Variants in RALYL observed in about 807,000 individuals in gnomAD.
The protein encoded by RALYL is RNA-binding Raly-like protein.
Under a neutral mutation model 35.1 loss-of-function variants are expected in RALYL, and 29 were observed. That is an observed-to-expected ratio of 0.83 (90% CI 0.61 to 1.13). The LOEUF (loss-of-function observed/expected upper bound fraction) is 1.13. Among genes scored for constraint, RALYL ranks in the 50% most tolerant of loss-of-function variants. The probability of loss-of-function intolerance (pLI) is 0.00; values close to 1 mark genes in which losing one functional copy is unlikely to be tolerated. For missense variants in RALYL, 359 were observed against 360.4 expected (o/e 1.00, Z 0.03); for synonymous variants, 120 against 127.6 (o/e 0.94, Z 0.40).
chr8:84,468,345 A>C (rs1463863875), intron 1 of RALYL, among the ~76,000 whole-genome samples: 1 of 151,898 alleles, frequency 6.6e-6, no homozygotes, highest in African/African-American at 2.4e-5. Context: ...CCTGGTGGTG[A>C]CAAAATCTCT....
chr8:84,394,195 A>G (rs959918357), intron 1 of RALYL, among the ~76,000 whole-genome samples: 1 of 152,146 alleles, frequency 6.6e-6, no homozygotes, highest in Non-Finnish European at 1.5e-5. Flanking sequence ...TTATAACATA[A>G]TGAATCTGTA....
chr8:84,503,677 C>T (rs148903285), intron 1 of RALYL, among the ~76,000 whole-genome samples: 2,470 of 151,930 alleles, frequency 0.016, 64 homozygotes, highest in African/African-American at 0.056. Flanking sequence ...GGTGAAACCA[C>T]ATCTCTACTA....
intron 1 of RALYL, among the ~76,000 whole-genome samples, chr8:84,372,886 GT>G (rs76885544): frequency 3.0e-3 from 117 of 39,070 alleles, no homozygotes; most frequent in Non-Finnish European, 3.7e-3. Context: ...GCCAGCATCT[GT>G]TTTTTTTTTT....
chr8:84,198,187 C>T (rs1445267420), intron 1 of RALYL, among the ~76,000 whole-genome samples: 1 of 152,092 alleles, frequency 6.6e-6, no homozygotes, highest in Non-Finnish European at 1.5e-5. Flanking sequence ...CATAATTTCT[C>T]CAGCATGAAG....
At chr8:84,621,325 A>T (rs1821392515) in intron 2 of RALYL, among the ~76,000 whole-genome samples, 1 of 152,172 alleles carries the variant, frequency 6.6e-6, no homozygotes, top group Non-Finnish European at 1.5e-5. Flanking sequence ...CCCGTCGGAA[A>T]AGCGCAGTAT....
At chr8:84,392,648 G>T (rs1860959824) in intron 1 of RALYL, among the ~76,000 whole-genome samples, 1 of 151,994 alleles carries the variant, frequency 6.6e-6, no homozygotes, top group Non-Finnish European at 1.5e-5. Flanking sequence ...AACATTTTCA[G>T]GAGTTAGAAA....
chr8:84,687,071 A>T (rs980386200), intron 2 of RALYL, among the ~76,000 whole-genome samples: 1 of 152,228 alleles, frequency 6.6e-6, no homozygotes, highest in African/African-American at 2.4e-5. Flanking sequence ...TCATGTTTTC[A>T]TTTTTTGTGT....
chr8:84,505,716 A>G (rs1367268490), intron 1 of RALYL, among the ~76,000 whole-genome samples: 1 of 151,756 alleles, frequency 6.6e-6, no homozygotes, highest in Non-Finnish European at 1.5e-5. Flanking sequence ...TTAAATGGAA[A>G]CAATCTAAAA....
chr8:84,699,578 A>G (rs1205119705), intron 2 of RALYL, among the ~76,000 whole-genome samples: 1 of 152,080 alleles, frequency 6.6e-6, no homozygotes, highest in Non-Finnish European at 1.5e-5. Context: ...TAATAAAGGC[A>G]CTAATCACAT....
intron 3 of RALYL, among the ~76,000 whole-genome samples, chr8:84,790,893 C>A (rs1246839180): frequency 6.6e-6 from 1 of 152,142 alleles, no homozygotes; most frequent in Non-Finnish European, 1.5e-5. Flanking sequence ...GTGATTGCCA[C>A]AAGAGTAAGC....
At chr8:84,811,156 G>C (rs1376032284) in intron 4 of RALYL, among the ~76,000 whole-genome samples, 1 of 151,966 alleles carries the variant, frequency 6.6e-6, no homozygotes, top group Middle Eastern at 3.2e-3. Context: ...GCGTTTCCAG[G>C]ATTTGTTTCA....
intron 2 of RALYL, among the ~76,000 whole-genome samples, chr8:84,576,847 ATTT>A (rs1378303477): frequency 6.6e-6 from 1 of 152,216 alleles, no homozygotes; most frequent in Admixed American, 6.5e-5. Flanking sequence ...TTCTGAAGAC[ATTT>A]GAATTTGTGA....
intron 1 of RALYL, among the ~76,000 whole-genome samples, chr8:84,415,500 A>G (rs1586976122): frequency 2.0e-5 from 3 of 151,768 alleles, no homozygotes; most frequent in Admixed American, 2.0e-4. Context: ...GGCCTCCCAA[A>G]GTGCTGGTAT....
intron 1 of RALYL, among the ~76,000 whole-genome samples, chr8:84,524,200 A>T (rs1330896098): frequency 6.6e-6 from 1 of 152,174 alleles, no homozygotes; most frequent in Non-Finnish European, 1.5e-5. Context: ...CAACCTACTC[A>T]TCTGACAAAG....
chr8:84,418,154 G>A (rs987913193), intron 1 of RALYL, among the ~76,000 whole-genome samples: 1 of 152,096 alleles, frequency 6.6e-6, no homozygotes, highest in Non-Finnish European at 1.5e-5. Flanking sequence ...CTGACATAGG[G>A]CATCCTCAAA....
chr8:84,395,070 T>C (rs1404033232), intron 1 of RALYL, among the ~76,000 whole-genome samples: 3 of 151,888 alleles, frequency 2.0e-5, no homozygotes, highest in Non-Finnish European at 4.4e-5. Context: ...AGAAAATAAA[T>C]ATTACCATAA....
At chr8:84,842,758 T>G (rs537648483) in intron 4 of RALYL, among the ~76,000 whole-genome samples, 58 of 152,080 alleles carry the variant, frequency 3.8e-4, no homozygotes, top group Non-Finnish European at 7.2e-4. Flanking sequence ...CACATCAAAA[T>G]GCTTATCCAC....
chr8:84,267,737 C>T (rs1337320840), intron 1 of RALYL, among the ~76,000 whole-genome samples: 1 of 152,200 alleles, frequency 6.6e-6, no homozygotes, highest in African/African-American at 2.4e-5. Context: ...TTACAGACGT[C>T]TCTGCGCTGG....
intron 3 of RALYL, among the ~76,000 whole-genome samples, chr8:84,791,222 G>A (rs186855777): frequency 7.4e-4 from 112 of 152,286 alleles, no homozygotes; most frequent in East Asian, 2.7e-3. Flanking sequence ...TTGAGCAGCC[G>A]TGAAGGGGGT....
Sources: gnomAD v4.1 joint callset for allele counts (sites outside exome capture counted in the v4.1 genomes callset) on GRCh38, gnomAD v4.1.1 for gene constraint, MANE v1.5 for transcripts, NCBI Gene and HGNC (gene_info 2026-07-23, HGNC 2026-07-21) for gene names.